Variants in IL1RN observed in about 807,000 individuals in gnomAD.
IL1RN encodes interleukin 1 receptor antagonist.
A neutral mutation model predicts 13.7 loss-of-function variants in IL1RN; 10 were observed. The ratio of observed to expected loss-of-function variants is 0.73; its 90% CI spans 0.45 to 1.24. IL1RN has a LOEUF of 1.24. Ranked by LOEUF, IL1RN falls within the 50% of genes most tolerant of loss-of-function variation. IL1RN has a pLI of 0.00. For missense variants in IL1RN, 213 were observed against 222.1 expected (o/e 0.96, Z 0.26); for synonymous variants, 102 against 82.7 (o/e 1.23, Z -1.27).
At chr2:113,099,476 A>G in the IL1RN span, among the ~76,000 whole-genome samples, 1 of 152,222 alleles carries the variant, frequency 6.6e-6, no homozygotes, top group Non-Finnish European at 1.5e-5. Context: ...GCTCCAGGCT[A>G]CAAGCCTCCC....
At chr2:113,111,587 C>T (rs1686496581) in intron 1 of IL1RN, among the ~76,000 whole-genome samples, 1 of 152,368 alleles carries the variant, frequency 6.6e-6, no homozygotes, top group South Asian at 2.1e-4. Flanking sequence ...GTGAAGCCCG[C>T]ATCCAATGAC....
chr2:113,107,694 C>A (rs1330570044), upstream of IL1RN, among the ~76,000 whole-genome samples: 1 of 152,158 alleles, frequency 6.6e-6, no homozygotes, highest in African/African-American at 2.4e-5. Context: ...GATCATGCTG[C>A]TGCACTCCAG....
At position 113,132,883 on chromosome 2, in the gene IL1RN, C is replaced by A. The variant is rs746063448; in HGVS notation, c.*12C>A. The A allele has an allele frequency of 2.5e-6, 4 of 1,611,394 alleles. No homozygotes were observed. The highest frequency in any genetic ancestry group is 2.2e-5 in the East Asian group (1 of 44,882). On this transcript the variant is annotated 3_prime_UTR_variant, in exon 4 of 4. Coordinates refer to ENST00000409930, the MANE Select transcript of IL1RN (RefSeq NM_173842.3). ...AGGAGGACGAGTAGTACTGCCCAGG[C>A]CTGCCTGTTCCCATTCTTGCATGGC...
chr2:113,108,327 G>A (rs181606206), upstream of IL1RN, among the ~76,000 whole-genome samples: 76 of 151,772 alleles, frequency 5.0e-4, no homozygotes, highest in African/African-American at 1.7e-3. Flanking sequence ...TGTTACATAT[G>A]TATACATGTG....
At chr2:113,108,501 T>C (rs1686421983), upstream of IL1RN, among the ~76,000 whole-genome samples, 1 of 151,876 alleles carries the variant, frequency 6.6e-6, no homozygotes, top group East Asian at 1.9e-4. Context: ...CTTTCTCTAC[T>C]TTTAAGGACC....
upstream of IL1RN, among the ~76,000 whole-genome samples, chr2:113,102,329 T>G (rs1040510435): frequency 2.0e-5 from 3 of 152,168 alleles, no homozygotes; most frequent in Non-Finnish European, 4.4e-5. Context: ...AATTCTATTG[T>G]GTTAGGGCCC....
chr2:113,132,318 C>G (rs1687200337), intron 3 of IL1RN, among the ~76,000 whole-genome samples: 2 of 152,166 alleles, frequency 1.3e-5, no homozygotes. Context: ...TGTGGTGGTG[C>G]ATGCCTGTAA....
At chr2:113,123,375 G>A (rs537028848), upstream of IL1RN, among the ~76,000 whole-genome samples, 115 of 152,266 alleles carry the variant, frequency 7.6e-4, no homozygotes, top group South Asian at 2.9e-3. Flanking sequence ...CTGAGTTTTT[G>A]AGCATTCATG....
intron 1 of IL1RN, among the ~76,000 whole-genome samples, chr2:113,119,176 T>C (rs1686683798): frequency 6.6e-6 from 1 of 152,256 alleles, no homozygotes; most frequent in Non-Finnish European, 1.5e-5. Context: ...GGACAACTCT[T>C]AGCTTGTAGT....
chr2:113,131,126 A>G lies in IL1RN; in HGVS notation c.287A>G (p.Lys96Arg). ...HGGKMCLSCVKSGDETRLQLE... is the reference protein window; with the variant it reads ...HGGKMCLSCVRSGDETRLQLE... ...GGGAAGATGTGCCTGTCCTGTGTCA[A>G]GTCTGGTGATGAGACCAGACTCCAG... is the stretch of plus-strand genomic sequence containing the variant. Residue 96 changes from lysine (K) to arginine (R), a missense_variant, in exon 3 of 4, where the codon AAG (lysine) becomes AGG (arginine). Lys to Arg is a conservative substitution (Grantham distance 26). Coordinates refer to ENST00000409930, the MANE Select transcript of IL1RN (RefSeq NM_173842.3). The G allele has an allele frequency of 6.2e-7, 1 of 1,612,984 alleles. No homozygotes were observed. Among genetic ancestry groups the G allele is most frequent in the Non-Finnish European group, 8.5e-7 (1 of 1,178,912 alleles).
chr2:113,120,128 G>A, exon 2 of IL1RN: 2 of 1,611,180 alleles, frequency 1.2e-6, no homozygotes, highest in East Asian at 2.2e-5. Flanking sequence ...TGACTCAAAG[G>A]GTAAATTATT....
At chr2:113,130,936 G>A (rs932035079) in intron 2 of IL1RN, 109 bp from the exon 3 acceptor site, 9 of 757,434 alleles carry the variant, frequency 1.2e-5, no homozygotes, top group South Asian at 2.9e-5. Flanking sequence ...TTCTGACCTC[G>A]GGATTTTAGT....
chr2:113,128,000 A>T (rs973386886), intron 1 of IL1RN, among the ~76,000 whole-genome samples: 1 of 152,260 alleles, frequency 6.6e-6, no homozygotes, highest in Non-Finnish European at 1.5e-5. Flanking sequence ...TAATAGATGC[A>T]TGCCAAGGAG....
At chr2:113,129,212 A>G (rs1427193366) in intron 1 of IL1RN, among the ~76,000 whole-genome samples, 1 of 152,202 alleles carries the variant, frequency 6.6e-6, no homozygotes, top group Non-Finnish European at 1.5e-5. Context: ...GTTAGTGGCC[A>G]CCCTATTGGG....
the IL1RN span, among the ~76,000 whole-genome samples, chr2:113,099,977 G>A: frequency 3.9e-3 from 538 of 136,280 alleles, 6 homozygotes; most frequent in African/African-American, 0.013. Context: ...CTCGTGATCC[G>A]CCCGCCTCGG....
At chr2:113,121,451 G>T (rs77962003) in intron 2 of IL1RN, 6 of 985,256 alleles carry the variant, frequency 6.1e-6, no homozygotes, top group Non-Finnish European at 7.2e-6. Flanking sequence ...TCTGCAGGGG[G>T]ATTATAAAAC....
chr2:113,099,498 C>T, the IL1RN span, among the ~76,000 whole-genome samples: 2 of 152,192 alleles, frequency 1.3e-5, no homozygotes, highest in South Asian at 4.1e-4. Context: ...GCTGAGAAAA[C>T]GAGCGAACTC....
upstream of IL1RN, among the ~76,000 whole-genome samples, chr2:113,104,618 C>A (rs1464831504): frequency 6.6e-6 from 1 of 152,120 alleles, no homozygotes; most frequent in Non-Finnish European, 1.5e-5. Context: ...CAACACCTCC[C>A]TTTAGTTTCT....
At chr2:113,107,648 G>A (rs1237474213), upstream of IL1RN, among the ~76,000 whole-genome samples, 7 of 151,874 alleles carry the variant, frequency 4.6e-5, no homozygotes, top group East Asian at 7.7e-4. Flanking sequence ...CAGGAGAATC[G>A]CTTGAACCCA....
Sources: allele counts gnomAD v4.1 joint callset (sites outside exome capture counted in the v4.1 genomes callset), GRCh38; gene constraint gnomAD v4.1.1; transcripts MANE v1.5; gene names NCBI Gene and HGNC (gene_info 2026-07-23, HGNC 2026-07-21).